SEMA3D: variants seen among roughly 807,000 people sequenced by gnomAD.
The protein encoded by SEMA3D is semaphorin-3D.
Under a neutral mutation model 100.1 loss-of-function variants are expected in SEMA3D, and 84 were observed. That is an observed-to-expected ratio of 0.84 (90% CI 0.70 to 1.01). The LOEUF (loss-of-function observed/expected upper bound fraction) is 1.01. Among genes scored for constraint, SEMA3D ranks in the 50% least tolerant of loss-of-function variants. The probability of loss-of-function intolerance (pLI) is 0.00; values close to 1 mark genes in which losing one functional copy is unlikely to be tolerated. For missense variants in SEMA3D, 875 were observed against 934.1 expected (o/e 0.94, Z 0.82); for synonymous variants, 312 against 320.7 (o/e 0.97, Z 0.29).
At chr7:85,192,385 C>T in the SEMA3D span, among the ~76,000 whole-genome samples, 8 of 151,934 alleles carry the variant, frequency 5.3e-5, no homozygotes, top group East Asian at 7.7e-4. Flanking sequence ...TATTATTATA[C>T]AGACAATGAA....
intron 2 of SEMA3D, among the ~76,000 whole-genome samples, chr7:85,146,566 T>A (rs1476893831): frequency 5.3e-4 from 80 of 150,980 alleles, no homozygotes; most frequent in African/African-American, 1.7e-3. Context: ...AAAAAATATA[T>A]ATATATATTT....
At chr7:85,120,669 A>C (rs1789383806) in intron 3 of SEMA3D, among the ~76,000 whole-genome samples, 1 of 150,768 alleles carries the variant, frequency 6.6e-6, no homozygotes, top group Non-Finnish European at 1.5e-5. Flanking sequence ...TTCATCTCAA[A>C]AAAAAAAAAA....
chr7:85,049,661 A>G (rs1289208137), intron 9 of SEMA3D, among the ~76,000 whole-genome samples: 1 of 151,898 alleles, frequency 6.6e-6, no homozygotes, highest in Non-Finnish European at 1.5e-5. Flanking sequence ...AGTAAGCACA[A>G]AAACCACAGC....
intron 2 of SEMA3D, among the ~76,000 whole-genome samples, chr7:85,138,659 TATA>T (rs1789940196): frequency 6.8e-6 from 1 of 146,130 alleles, no homozygotes; most frequent in African/African-American, 2.5e-5. Context: ...TAATTTAATA[TATA>T]TATTAAATTA....
the SEMA3D span, among the ~76,000 whole-genome samples, chr7:85,223,583 C>A: frequency 6.6e-5 from 10 of 150,982 alleles, no homozygotes; most frequent in African/African-American, 9.8e-5. Context: ...TACTACTCAG[C>A]CATAAAAAGG....
the SEMA3D span, among the ~76,000 whole-genome samples, chr7:85,230,397 C>T: frequency 6.6e-6 from 1 of 152,182 alleles, no homozygotes; most frequent in Admixed American, 6.5e-5. Flanking sequence ...GGATTCAGTG[C>T]ATATACATGG....
rs563807249 is a variant in SEMA3D, at chr7:85,107,468, A to T, written c.152-9503T>A. On this transcript the variant is annotated intron_variant, in intron 3 of 18. Coordinates refer to ENST00000284136, the MANE Select transcript of SEMA3D (RefSeq NM_001384900.1). ...TATAAGCAATGAGAAAATGCTTTCCATTTTTACATTATCTTCCTTAGTTTC... is the reference window on the plus strand; with the variant it reads ...TATAAGCAATGAGAAAATGCTTTCCTTTTTTACATTATCTTCCTTAGTTTC... Among the ~76,000 whole-genome samples the T allele has an allele frequency of 1.2e-4, 19 of 152,148 alleles. No homozygotes were observed. In the South Asian group the frequency reaches 3.9e-3, roughly 32 times the overall value.
At chr7:85,232,706 T>C in the SEMA3D span, among the ~76,000 whole-genome samples, 1 of 152,226 alleles carries the variant, frequency 6.6e-6, no homozygotes, top group Admixed American at 6.5e-5. Context: ...GAATAACTAC[T>C]AGCTAAGAGT....
chr7:85,242,610 T>C, the SEMA3D span, among the ~76,000 whole-genome samples: 2 of 152,186 alleles, frequency 1.3e-5, no homozygotes, highest in Non-Finnish European at 2.9e-5. Flanking sequence ...TTGCTGGTTC[T>C]GTCTATTTCA....
chr7:85,173,139 A>G (rs1177422847), intron 1 of SEMA3D, among the ~76,000 whole-genome samples: 1 of 152,028 alleles, frequency 6.6e-6, no homozygotes, highest in Non-Finnish European at 1.5e-5. Context: ...AGAGAGAGAA[A>G]GAGACAGAGA....
intron 2 of SEMA3D, among the ~76,000 whole-genome samples, chr7:85,129,800 C>T (rs1355823178): frequency 6.6e-6 from 1 of 151,950 alleles, no homozygotes; most frequent in African/African-American, 2.4e-5. Context: ...AAAGAAATGC[C>T]ATCAAATCTA....
At chr7:85,015,586 A>C (rs1234183819) in intron 15 of SEMA3D, among the ~76,000 whole-genome samples, 1 of 151,866 alleles carries the variant, frequency 6.6e-6, no homozygotes, top group Non-Finnish European at 1.5e-5. Context: ...TCTTCCCAAG[A>C]CTTCCCATGG....
intron 9 of SEMA3D, among the ~76,000 whole-genome samples, chr7:85,051,671 T>A (rs768419157): frequency 6.6e-6 from 1 of 151,978 alleles, no homozygotes; most frequent in Non-Finnish European, 1.5e-5. Flanking sequence ...CAGGTTATAT[T>A]TTCAACTGGC....
chr7:85,039,211 A>G (rs1790785555), intron 11 of SEMA3D, among the ~76,000 whole-genome samples: 1 of 152,158 alleles, frequency 6.6e-6, no homozygotes, highest in Non-Finnish European at 1.5e-5. Context: ...ATTAAATAAA[A>G]TTAAGTCTGT....
chr7:85,039,350 C>G (rs1353655743), intron 11 of SEMA3D, among the ~76,000 whole-genome samples: 1 of 152,098 alleles, frequency 6.6e-6, no homozygotes, highest in African/African-American at 2.4e-5. Flanking sequence ...CTCCGCCTTT[C>G]AAGTTCAAGT....
intron 8 of SEMA3D, among the ~76,000 whole-genome samples, chr7:85,064,745 G>C (rs1791569085): frequency 6.6e-6 from 1 of 151,906 alleles, no homozygotes; most frequent in Admixed American, 6.6e-5. Context: ...GTGGGGAGTG[G>C]GGTGGAGTTA....
upstream of SEMA3D, among the ~76,000 whole-genome samples, chr7:85,191,203 C>A (rs1464243387): frequency 6.6e-6 from 1 of 152,090 alleles, no homozygotes; most frequent in Non-Finnish European, 1.5e-5. Context: ...TCTTGACTAC[C>A]AACATTCACT....
At chr7:85,150,398 ACAGGG>A (rs1790342461) in intron 2 of SEMA3D, among the ~76,000 whole-genome samples, 1 of 136,396 alleles carries the variant, frequency 7.3e-6, no homozygotes, top group African/African-American at 2.6e-5. Flanking sequence ...ACATATATTT[ACAGGG>A]ATATATATAT....
At chr7:85,083,801 C>G (rs1188305326) in intron 4 of SEMA3D, among the ~76,000 whole-genome samples, 2 of 134,408 alleles carry the variant, frequency 1.5e-5, no homozygotes, top group African/African-American at 2.8e-5. Flanking sequence ...GAGCCGAGAT[C>G]GCGCCACTGC....
Sources: gnomAD v4.1 joint callset for allele counts (sites outside exome capture counted in the v4.1 genomes callset) on GRCh38, gnomAD v4.1.1 for gene constraint, MANE v1.5 for transcripts, NCBI Gene and HGNC (gene_info 2026-07-23, HGNC 2026-07-21) for gene names.